ENPP2: variants seen among roughly 807,000 people sequenced by gnomAD.
The protein encoded by ENPP2 is ectonucleotide pyrophosphatase/phosphodiesterase 2, also known as autotaxin.
Under a neutral mutation model 120.2 loss-of-function variants are expected in ENPP2, and 51 were observed. The ratio of observed to expected loss-of-function variants is 0.42; its 90% CI spans 0.34 to 0.54. ENPP2 has a LOEUF of 0.54. Ranked by LOEUF, ENPP2 falls within the 20% of genes least tolerant of loss-of-function variation. The pLI is 0.04. For missense variants in ENPP2, 920 were observed against 1,066.5 expected (o/e 0.86, Z 1.91); for synonymous variants, 365 against 366.4 (o/e 1.00, Z 0.04).
chr8:119,558,938 T>C (rs1813698402), intron 24 of ENPP2, among the ~76,000 whole-genome samples: 1 of 152,114 alleles, frequency 6.6e-6, no homozygotes, highest in African/African-American at 2.4e-5. Context: ...CACACAAACC[T>C]GGACAGGGAA....
intron 12 of ENPP2, among the ~76,000 whole-genome samples, chr8:119,592,330 G>T (rs548495991): frequency 3.3e-5 from 5 of 151,794 alleles, no homozygotes; most frequent in African/African-American, 9.7e-5. Context: ...AAATTTAGCC[G>T]GGCCTGGTGG....
At chr8:119,649,200 T>G (rs931048534) in intron 1 of ENPP2, among the ~76,000 whole-genome samples, 1 of 148,208 alleles carries the variant, frequency 6.7e-6, no homozygotes, top group Non-Finnish European at 1.5e-5. Flanking sequence ...GGGAGCATCC[T>G]GGCTAACACG....
intron 18 of ENPP2, 115 bp downstream of exon 18, chr8:119,582,303 A>T: frequency 2.7e-6 from 2 of 749,582 alleles, no homozygotes; most frequent in Non-Finnish European, 2.2e-6. Context: ...GCCAGTAGCT[A>T]CCATTTTGGA....
chr8:119,568,969 A>C (rs1224188340), intron 21 of ENPP2, among the ~76,000 whole-genome samples: 1 of 152,196 alleles, frequency 6.6e-6, no homozygotes, highest in Non-Finnish European at 1.5e-5. Flanking sequence ...TTAATGATTC[A>C]CTGTTTCCTT....
At chr8:119,587,532 T>C (rs965196364) in intron 13 of ENPP2, among the ~76,000 whole-genome samples, 1 of 152,206 alleles carries the variant, frequency 6.6e-6, no homozygotes, top group African/African-American at 2.4e-5. Flanking sequence ...TTCTAATCCA[T>C]TGAGTTATTT....
intron 10 of ENPP2, among the ~76,000 whole-genome samples, chr8:119,601,006 T>C (rs16892852): frequency 0.02 from 3,113 of 152,276 alleles, 107 homozygotes; most frequent in African/African-American, 0.07. Flanking sequence ...ACTCGGATCC[T>C]TGACCCTCAA....
In ENPP2 at chr8:119,582,443, G is replaced by A; in HGVS notation, c.1703C>T (p.Thr568Ile). ...CTTTGGCTCTACCTTATCATCACAAGTGCAGCCCAGGTCAAAATCAGACTG... is the reference window on the plus strand; with the variant it reads ...CTTTGGCTCTACCTTATCATCACAAATGCAGCCCAGGTCAAAATCAGACTG... ...YLQSDFDLGC[T>I]CDDKVEPKNK... Residue 568 changes from threonine to isoleucine, a missense_variant, in exon 18 of 25, where the codon ACT (threonine) becomes ATT (isoleucine). Physicochemically the swap from Thr to Ile is moderately conservative, Grantham distance 89 (BLOSUM62 -1). Coordinates refer to ENST00000075322, the MANE Select transcript of ENPP2 (RefSeq NM_001040092.3). 6.2e-7 allele frequency: 1 copy of A among 1,613,874 alleles called. No homozygotes were observed. The highest frequency in any genetic ancestry group is 8.5e-7 in the Non-Finnish European group (1 of 1,179,878).
In ENPP2 at chr8:119,659,105, A is replaced by G. The variant is rs898956826; in HGVS notation, c.21+14147T>C. ...CAAGGCAGGCAGATTGCTTGAGGCC[A>G]GGAGTTCAAGACCAGCCTGGGCAAC... On this transcript the variant is annotated intron_variant, in intron 1 of 25. Coordinates refer to the ENPP2 transcript ENST00000427067. Among the ~76,000 whole-genome samples, 49 of 152,044 alleles carry G rather than the reference A, an allele frequency of 3.2e-4. 1 individual carries two copies.
intron 2 of ENPP2, 105 bp from the exon 3 acceptor site, chr8:119,626,825 A>T: frequency 6.9e-6 from 7 of 1,016,544 alleles, no homozygotes; most frequent in Non-Finnish European, 1.1e-5. Context: ...TGGACTCTGG[A>T]GGAGAACACT....
In ENPP2 at chr8:119,617,030, C is replaced by A. The variant is rs538647070; in HGVS notation, c.657+134G>T. The A allele has an allele frequency of 1.3e-4, 81 of 641,048 alleles. 1 individual carries two copies. In the South Asian group the frequency reaches 1.6e-3, roughly 12 times the overall value. 39.7% of individuals were successfully genotyped at this position (641,048 alleles called of 1,614,324 possible). On this transcript the variant is annotated intron_variant, in intron 7 of 24. Transcript: ENST00000075322. Reference sequence around the variant, plus strand: ...AAAGGCATTTGCTGTGAACAAATGACCCAGTTAAGATGGAAAACAGAAAGA... The same window carrying A: ...AAAGGCATTTGCTGTGAACAAATGAACCAGTTAAGATGGAAAACAGAAAGA...
At chr8:119,632,115 T>C (rs923179835) in intron 2 of ENPP2, among the ~76,000 whole-genome samples, 1 of 152,228 alleles carries the variant, frequency 6.6e-6, no homozygotes, top group African/African-American at 2.4e-5. Context: ...TCCGATTTGT[T>C]AGAAGTCTGA....
intron 24 of ENPP2, among the ~76,000 whole-genome samples, chr8:119,560,963 C>T (rs746422127): frequency 2.6e-5 from 4 of 152,096 alleles, no homozygotes; most frequent in Admixed American, 6.6e-5. Flanking sequence ...TACACATAAT[C>T]GGATCACAAC....
At chr8:119,598,254 G>A (rs1242620260) in intron 11 of ENPP2, among the ~76,000 whole-genome samples, 1 of 152,046 alleles carries the variant, frequency 6.6e-6, no homozygotes, top group Non-Finnish European at 1.5e-5. Context: ...TGCCTTATGA[G>A]AAGAAAATGA....
chr8:119,561,708 A>C (rs182433665), intron 24 of ENPP2, among the ~76,000 whole-genome samples: 24 of 152,318 alleles, frequency 1.6e-4, no homozygotes, highest in African/African-American at 4.3e-4. Flanking sequence ...CTGAGAAAAC[A>C]GTGACTGCTA....
intron 22 of ENPP2, among the ~76,000 whole-genome samples, chr8:119,567,616 A>C (rs1488979464): frequency 6.6e-6 from 1 of 152,242 alleles, no homozygotes; most frequent in Admixed American, 6.5e-5. Context: ...ATCATCTGAA[A>C]TAAACACTCT....
Position 119,562,915 on chromosome 8 carries a change from G to C in ENPP2, c.2363C>G (p.Pro788Arg), listed in dbSNP as rs1376821254. Residue 788 changes from proline (P) to arginine (R), a missense_variant, in exon 24 of 25, where the codon CCT becomes CGT. Physicochemically the swap from Pro to Arg is moderately radical, Grantham distance 103. Coordinates refer to ENST00000075322, the MANE Select transcript of ENPP2 (RefSeq NM_001040092.3). ...FTQPADKCDG[P>R]LSVSSFILPH... ...CAGGATGAAGGAGGACACAGAGAGA[G>C]GGCCGTCACACTTGTCGGCAGGCTG... 6.2e-7 allele frequency: 1 copy of C among 1,614,142 alleles called. No homozygotes were observed. The highest frequency in any genetic ancestry group is 8.5e-7 in the Non-Finnish European group (1 of 1,180,006).
chr8:119,579,025 T>A (rs1039174360), intron 19 of ENPP2, among the ~76,000 whole-genome samples: 2 of 152,248 alleles, frequency 1.3e-5, no homozygotes, highest in Non-Finnish European at 2.9e-5. Flanking sequence ...GCATCTTTGC[T>A]GCATGACTTG....
chr8:119,568,408 A>G (rs1814663475), intron 21 of ENPP2, among the ~76,000 whole-genome samples, 156 bp from the exon 22 acceptor site: 1 of 152,076 alleles, frequency 6.6e-6, no homozygotes, highest in African/African-American at 2.4e-5. Flanking sequence ...GCGTTATACA[A>G]CATGTCCTTA....
In ENPP2 at chr8:119,616,404, T is replaced by C. The variant is rs747403594; in HGVS notation, c.658-20A>G. ...TAGCCCCTTTTTGTAAAAGCAAATTTATTGTTAAAATAACAATACAATAAT... is the reference window on the plus strand; with the variant it reads ...TAGCCCCTTTTTGTAAAAGCAAATTCATTGTTAAAATAACAATACAATAAT... On this transcript the variant is annotated intron_variant, in intron 7 of 24. Coordinates refer to ENST00000075322, the MANE Select transcript of ENPP2 (RefSeq NM_001040092.3). The C allele has an allele frequency of 1.5e-5, 23 of 1,560,918 alleles. No individual in the cohort carries two copies. The highest frequency in any genetic ancestry group is 2.0e-5 in the Non-Finnish European group (23 of 1,138,612).
Sources: gnomAD v4.1 joint callset for allele counts (sites outside exome capture counted in the v4.1 genomes callset) on GRCh38, gnomAD v4.1.1 for gene constraint, MANE v1.5 for transcripts, NCBI Gene and HGNC (gene_info 2026-07-23, HGNC 2026-07-21) for gene names.